The following AJAP1 variants were observed in gnomAD, a reference collection of about 807,000 sequenced individuals.
The protein encoded by AJAP1 is adherens junction-associated protein 1.
Under a neutral mutation model 35.0 loss-of-function variants are expected in AJAP1, and 5 were observed. The observed-to-expected ratio is 0.14, with a 90% CI of 0.07 to 0.30. The LOEUF (loss-of-function observed/expected upper bound fraction) is 0.30, where lower values mean the gene tolerates loss of function less well. Among genes scored for constraint, AJAP1 ranks in the 10% least tolerant of loss-of-function variants. The pLI is 1.00. For missense variants in AJAP1, 586 were observed against 571.0 expected (o/e 1.03, Z -0.27); for synonymous variants, 284 against 249.3 (o/e 1.14, Z -1.31).
rs1238425604 is a variant in AJAP1 at position 4,772,437 on chromosome 1, G to A, written c.1075G>A (p.Glu359Lys). ...AYNETLQCSH[E>K]CVRASVPVYT... ...TAACGAGACCCTGCAGTGTTCTCAC[G>A]AGTGCGTCAGGGCATCTGTGCCCGT... is the stretch of plus-strand genomic sequence containing the variant. The change falls in exon 4 of 6, where the codon GAG becomes AAG. Residue 359 changes from glutamate (E) to lysine (K), a missense_variant. Physicochemically the swap from Glu to Lys is moderately conservative, Grantham distance 56. Coordinates refer to ENST00000378191, the MANE Select transcript of AJAP1 (RefSeq NM_018836.4). 1.9e-6 allele frequency: 3 copies of A among 1,614,196 alleles called. No homozygotes were observed. The highest frequency in any genetic ancestry group is 1.1e-5 in the South Asian group (1 of 91,068).
intron 1 of AJAP1, among the ~76,000 whole-genome samples, chr1:4,666,487 A>G (rs1639121379): frequency 6.6e-6 from 1 of 151,968 alleles, no homozygotes; most frequent in Non-Finnish European, 1.5e-5. Context: ...AGGGGTGCAG[A>G]GAGGGGGCCC....
intron 1 of AJAP1, among the ~76,000 whole-genome samples, chr1:4,674,793 C>G (rs1335415132): frequency 6.6e-6 from 1 of 152,242 alleles, no homozygotes; most frequent in Non-Finnish European, 1.5e-5. Context: ...CTGCTTGTCT[C>G]GTGTTTTGGA....
chr1:4,743,799 C>T (rs879765741), intron 2 of AJAP1, among the ~76,000 whole-genome samples: 1 of 152,198 alleles, frequency 6.6e-6, no homozygotes, highest in Non-Finnish European at 1.5e-5. Context: ...CAATCCCTGA[C>T]TTACCTGGTC....
chr1:4,709,225 G>C (rs1212737614), intron 1 of AJAP1, among the ~76,000 whole-genome samples: 1 of 149,712 alleles, frequency 6.7e-6, no homozygotes, highest in Non-Finnish European at 1.5e-5. Flanking sequence ...GGGGCTGGTG[G>C]GGGCTGGTGG....
chr1:4,781,451 G>A (rs375314135), intron 5 of AJAP1, among the ~76,000 whole-genome samples: 1 of 152,184 alleles, frequency 6.6e-6, no homozygotes, highest in Admixed American at 6.5e-5. Flanking sequence ...CAACGATGAC[G>A]ATGACGGAGC....
Position 4,759,172 on chromosome 1 carries a change from G to C in AJAP1, c.830-10681G>C, listed in dbSNP as rs374396893. The stretch of plus-strand genomic sequence containing the variant: ...AGAATCCCTTGCTCCTCCTTCTCGT[G>C]TGTTGACTCTGAAAGGTGTGCATAG... On this transcript the variant is annotated intron_variant, in intron 2 of 5. Transcript: ENST00000378191. Among the ~76,000 whole-genome samples, 19 of 152,274 alleles carry C rather than the reference G, an allele frequency of 1.2e-4. No individual in the cohort carries two copies. In the East Asian group the frequency reaches 2.1e-3, roughly 17 times the overall value.
At chr1:4,780,767 G>C (rs2100375275) in intron 5 of AJAP1, among the ~76,000 whole-genome samples, 1 of 152,086 alleles carries the variant, frequency 6.6e-6, no homozygotes, top group Non-Finnish European at 1.5e-5. Flanking sequence ...AGGTAGCTGG[G>C]ATTACAGGTG....
chr1:4,699,904 A>G (rs1030378520), intron 1 of AJAP1, among the ~76,000 whole-genome samples: 3 of 152,198 alleles, frequency 2.0e-5, no homozygotes, highest in Admixed American at 1.3e-4. Flanking sequence ...ACTGCCTGGT[A>G]TGTAGCTGTG....
chr1:4,735,287 T>C (rs1007565082), intron 2 of AJAP1, among the ~76,000 whole-genome samples: 1 of 152,164 alleles, frequency 6.6e-6, no homozygotes, highest in Non-Finnish European at 1.5e-5. Flanking sequence ...GACACTCACA[T>C]AGGGGAGATG....
At chr1:4,776,175 C>T (rs751553461) in intron 5 of AJAP1, among the ~76,000 whole-genome samples, 7 of 152,226 alleles carry the variant, frequency 4.6e-5, no homozygotes, top group South Asian at 2.1e-4. Context: ...CACGGCAGCT[C>T]GTGGAACACT....
rs1640870729 is a variant in AJAP1 at position 4,734,324 on chromosome 1, T to G, written c.829+21625T>G. 6.6e-6 allele frequency among the ~76,000 whole-genome samples: 1 copy of G among 152,196 alleles called. No individual in the cohort carries two copies. The highest frequency in any genetic ancestry group is 2.4e-5 in the African/African-American group (1 of 41,460). Reference sequence around the variant, plus strand: ...ATACTGGGAGCCAGGTTCTGACAGCTGACTTGAATTAAATCTCATAAGGCC... The same window carrying G: ...ATACTGGGAGCCAGGTTCTGACAGCGGACTTGAATTAAATCTCATAAGGCC... On this transcript the variant is annotated intron_variant, in intron 2 of 5. Coordinates refer to ENST00000378191, the MANE Select transcript of AJAP1 (RefSeq NM_018836.4). This position sits in a 1 kb window ranked among gnomAD's most constrained non-coding sequence, Gnocchi z 4.3.
chr1:4,698,260 GC>G (rs1639911370), intron 1 of AJAP1, among the ~76,000 whole-genome samples: 1 of 152,134 alleles, frequency 6.6e-6, no homozygotes, highest in Non-Finnish European at 1.5e-5. Context: ...AGGACATGTT[GC>G]CCCCACGCCG....
chr1:4,698,203 C>T (rs934328604), intron 1 of AJAP1, among the ~76,000 whole-genome samples: 1 of 152,152 alleles, frequency 6.6e-6, no homozygotes, highest in African/African-American at 2.4e-5. Flanking sequence ...TTGCTCGTCA[C>T]CATGAATGTG....
chr1:4,694,994 G>A (rs747695687), intron 1 of AJAP1, among the ~76,000 whole-genome samples: 24 of 152,186 alleles, frequency 1.6e-4, no homozygotes, highest in Non-Finnish European at 2.5e-4. Context: ...GGCTTGAGAA[G>A]GTGGTGGGGA....
At chr1:4,681,758 C>A (rs778785842) in intron 1 of AJAP1, among the ~76,000 whole-genome samples, 1 of 152,210 alleles carries the variant, frequency 6.6e-6, no homozygotes, top group Non-Finnish European at 1.5e-5. Flanking sequence ...AGACCACGTG[C>A]AGGAAGGCCA....
At chr1:4,774,668 G>A (rs892744329) in intron 5 of AJAP1, 110 bp downstream of exon 5, 4 of 634,538 alleles carry the variant, frequency 6.3e-6, no homozygotes, top group Non-Finnish European at 1.1e-5. Flanking sequence ...CATGGCGGGT[G>A]GATTTCCAAT....
chr1:4,778,571 ATCTCTCTCTCTCTCTCTCTC>A (rs141390632), intron 5 of AJAP1, among the ~76,000 whole-genome samples: 20,637 of 142,890 alleles, frequency 0.14, 1,634 homozygotes, highest in East Asian at 0.39. Flanking sequence ...GATTGGCGCC[ATCTCTCTCTCTCTCTCTCTC>A]TCTCTCTCTC....
intron 3 of AJAP1, among the ~76,000 whole-genome samples, chr1:4,772,004 C>G (rs1364847046): frequency 6.6e-6 from 1 of 152,032 alleles, no homozygotes; most frequent in East Asian, 1.9e-4. Flanking sequence ...TAAGCAGGTC[C>G]CTAGCTCTGC....
intron 1 of AJAP1, among the ~76,000 whole-genome samples, chr1:4,661,707 C>T (rs1361587214): frequency 6.6e-6 from 1 of 152,192 alleles, no homozygotes; most frequent in Non-Finnish European, 1.5e-5. Context: ...GCTGTGATGC[C>T]AAGTCAGCAC....
Sources: allele counts gnomAD v4.1 joint callset (sites outside exome capture counted in the v4.1 genomes callset), GRCh38; gene constraint gnomAD v4.1.1; non-coding constraint Gnocchi (gnomAD v3.1); transcripts MANE v1.5; gene names NCBI Gene and HGNC (gene_info 2026-07-23, HGNC 2026-07-21).